The following PPM1F variants were observed in gnomAD, a reference collection of about 807,000 sequenced individuals.
PPM1F encodes the protein protein phosphatase 1F.
In PPM1F, 17 loss-of-function variants were observed where a neutral mutation model predicts 35.5. The observed-to-expected ratio is 0.48, with a 90% CI of 0.33 to 0.72. The LOEUF (loss-of-function observed/expected upper bound fraction) is 0.72. PPM1F is among the 30% of genes least tolerant of loss of function. The pLI is 0.02. For synonymous variants in PPM1F, 241 were observed against 255.5 expected, an observed-to-expected ratio of 0.94 and a Z score of 0.54; for missense variants, 521 against 613.0, an observed-to-expected ratio of 0.85 and a Z score of 1.59.
chr22:21,922,310 T>A lies in PPM1F; in HGVS notation c.*782A>T, dbSNP rs1221192584. The A allele has an allele frequency of 6.6e-6, 1 of 152,564 alleles. No homozygotes were observed. Among genetic ancestry groups the A allele is most frequent in the Admixed American group, 6.5e-5 (1 of 15,282 alleles). The allele number at this position is 152,564 out of a possible 1,614,324, so 9.5% of individuals were successfully genotyped here. Reference sequence around the variant, plus strand: ...AATAAAATAAATGCTAAGCTCTGCTTAAATTATATGACACAACAGGTCATC... The same window carrying A: ...AATAAAATAAATGCTAAGCTCTGCTAAAATTATATGACACAACAGGTCATC... On this transcript the variant is annotated 3_prime_UTR_variant, in exon 8 of 8. Coordinates refer to ENST00000263212, the MANE Select transcript of PPM1F (RefSeq NM_014634.4).
intron 1 of PPM1F, chr22:21,949,249 G>A (rs1254607472): frequency 6.6e-6 from 1 of 152,266 alleles, no homozygotes; most frequent in African/African-American, 2.4e-5. Flanking sequence ...AGGGTGCCCA[G>A]GGCCATCTTA....
Position 21,922,090 on chromosome 22 carries a change from A to G in PPM1F, c.*1002T>C, listed in dbSNP as rs919447102. Reference sequence around the variant, plus strand: ...ACAAAACAAATCCTGCTTTTCTAAAAACCTCAATGGGCCTATCCGAGCCCA... The same window carrying G: ...ACAAAACAAATCCTGCTTTTCTAAAGACCTCAATGGGCCTATCCGAGCCCA... On this transcript the variant is annotated 3_prime_UTR_variant, in exon 8 of 8. Transcript: ENST00000263212. The G allele has an allele frequency of 1.3e-5, 2 of 152,580 alleles. No individual in the cohort carries two copies. The highest frequency in any genetic ancestry group is 4.8e-5 in the African/African-American group (2 of 41,444). 9.5% of individuals were successfully genotyped at this position (152,580 alleles called of 1,614,324 possible).
chr22:21,928,895 C>T (rs116722869), intron 6 of PPM1F, among the ~76,000 whole-genome samples: 131 of 152,298 alleles, frequency 8.6e-4, no homozygotes, highest in African/African-American at 3.0e-3. Context: ...CCCCATTAGA[C>T]TTAGAGGCAG....
intron 3 of PPM1F, chr22:21,938,316 C>A: frequency 8.2e-7 from 1 of 1,218,104 alleles, no homozygotes; most frequent in Non-Finnish European, 1.1e-6. Flanking sequence ...GCAGCAGCTG[C>A]CACCGGCCGG....
At chr22:21,951,400 G>C (rs1047793710) in intron 1 of PPM1F, 3 of 143,772 alleles carry the variant, frequency 2.1e-5, no homozygotes, top group African/African-American at 7.8e-5. Context: ...TTGTTGCCCA[G>C]GCTGGAGTGC....
chr22:21,927,160 G>A (rs1247466972), intron 6 of PPM1F, among the ~76,000 whole-genome samples: 1 of 152,198 alleles, frequency 6.6e-6, no homozygotes, highest in Non-Finnish European at 1.5e-5. Context: ...CCACCTCCGG[G>A]GTCTGAGCAG....
intron 6 of PPM1F, among the ~76,000 whole-genome samples, chr22:21,930,874 C>A (rs1284004272): frequency 1.3e-5 from 2 of 152,146 alleles, no homozygotes; most frequent in Non-Finnish European, 2.9e-5. Context: ...CTCTGGTCTG[C>A]ACTGGGCTGC....
At chr22:21,929,037 A>G (rs143235345) in intron 6 of PPM1F, among the ~76,000 whole-genome samples, 400 of 152,174 alleles carry the variant, frequency 2.6e-3, no homozygotes, top group Non-Finnish European at 4.6e-3. Context: ...GCAGAGCACC[A>G]CGCACTCCCC....
chr22:21,923,247 C>T lies in PPM1F; in HGVS notation c.1210G>A (p.Asp404Asn), dbSNP rs369252135. Residue 404 changes from aspartate (D) to asparagine (N), a missense_variant, in exon 8 of 8, where the codon GAC (aspartate) becomes AAC (asparagine). By Grantham distance (23) the Asp-to-Asn change is conservative. Transcript: ENST00000263212. ...AAGACCACCATGACCGTGATGTTGTCGTGGGAGCCCCGCTCCCGGGCCGCA... is the reference window on the plus strand; with the variant it reads ...AAGACCACCATGACCGTGATGTTGTTGTGGGAGCCCCGCTCCCGGGCCGCA... ...VAAARERGSH[D>N]NITVMVVFLR... The T allele has an allele frequency of 3.7e-6, 6 of 1,613,304 alleles. No individual in the cohort carries two copies. The highest frequency in any genetic ancestry group is 2.2e-5 in the South Asian group (2 of 91,060).
Position 21,931,196 on chromosome 22 carries a change from C to T in PPM1F, c.843G>A (p.Gln281=). 6.2e-7 allele frequency: 1 copy of T among 1,614,182 alleles called. No homozygotes were observed. Among genetic ancestry groups the T allele is most frequent in the Non-Finnish European group, 8.5e-7 (1 of 1,180,034 alleles). The change falls in exon 6 of 8, where the codon CAG becomes CAA. Residue 281 remains glutamine (Q), a synonymous_variant. Coordinates refer to ENST00000263212, the MANE Select transcript of PPM1F (RefSeq NM_014634.4). The stretch of plus-strand genomic sequence containing the variant: ...CCATCAGCTTCACCACCTGTCCCTG[C>T]TGTACCAAAATGACCTGGGAATCCC... The part of the protein sequence containing the change: ...WLGDSQVILV[Q]QGQVVKLMEP...
chr22:21,937,963 C>A (rs994249538), intron 3 of PPM1F: 1 of 659,482 alleles, frequency 1.5e-6, no homozygotes. Flanking sequence ...AATACAATCC[C>A]CACTCTGACG....
chr22:21,927,937 G>GTTTT lies in PPM1F; in HGVS notation c.892-2279_892-2276dup, dbSNP rs1392008034. On this transcript the variant is annotated intron_variant, in intron 6 of 7. Transcript: ENST00000263212. ...TCACTGATTCTTGATTCTGTTTTTT[G>GTTTT]TTTTGTTTTTTTTTTTTTTTTTTTT... Among the ~76,000 whole-genome samples, 17 of 68,104 alleles carry GTTTT rather than the reference G, an allele frequency of 2.5e-4. 1 individual carries two copies. Among genetic ancestry groups the GTTTT allele is most frequent in the African/African-American group, 7.8e-4 (12 of 15,466 alleles). 44.7% of individuals were successfully genotyped at this position (68,104 alleles called of 152,430 possible).
At chr22:21,932,246 C>A (rs1289728321) in intron 5 of PPM1F, among the ~76,000 whole-genome samples, 1 of 152,232 alleles carries the variant, frequency 6.6e-6, no homozygotes, top group Non-Finnish European at 1.5e-5. Context: ...AGCCACTGTG[C>A]CCAGCCTCAA....
At chr22:21,945,666 C>G in intron 2 of PPM1F, 177 bp downstream of exon 2, 2 of 603,938 alleles carry the variant, frequency 3.3e-6, no homozygotes, top group Non-Finnish European at 2.8e-6. Context: ...TGTTGAGTGC[C>G]CAGTGTGTGG....
chr22:21,938,216 C>T (rs537623433), intron 3 of PPM1F: 1 of 1,303,022 alleles, frequency 7.7e-7, no homozygotes, highest in East Asian at 5.6e-5. Context: ...GCAGGTGGCG[C>T]TGTCTCCCGC....
chr22:21,927,120 C>T (rs1319355190), intron 6 of PPM1F, among the ~76,000 whole-genome samples: 1 of 152,162 alleles, frequency 6.6e-6, no homozygotes, highest in African/African-American at 2.4e-5. Context: ...GGAACAGGGA[C>T]CTCAAGGCTC....
At position 21,946,001 on chromosome 22, in the gene PPM1F, A is replaced by G. The variant is rs775612459; in HGVS notation, c.48T>C (p.Ala16=). The part of the protein sequence containing the change: ...PQKSSPMASG[A]EETPGFLDTL... ...TGTCCAGGAAGCCTGGGGTCTCCTC[A>G]GCTCCACTGGCCATTGGGCTGCTCT... is the stretch of plus-strand genomic sequence containing the variant. The change falls in exon 2 of 8, where the codon GCT becomes GCC. Residue 16 remains alanine, a synonymous_variant. Coordinates refer to ENST00000263212, the MANE Select transcript of PPM1F (RefSeq NM_014634.4). The G allele has an allele frequency of 2.5e-6, 4 of 1,600,822 alleles. No homozygotes were observed. Among genetic ancestry groups the G allele is most frequent in the Non-Finnish European group, 3.4e-6 (4 of 1,172,840 alleles).
intron 2 of PPM1F, chr22:21,945,610 T>A (rs565338220): frequency 5.7e-6 from 3 of 528,236 alleles, no homozygotes; most frequent in Admixed American, 3.7e-5. Flanking sequence ...GCCACCTTGA[T>A]CTTGGACTCT....
chr22:21,943,841 T>C (rs2145806342), intron 2 of PPM1F: 1 of 152,474 alleles, frequency 6.6e-6, no homozygotes. Flanking sequence ...GCTCTGTTGT[T>C]CCCCGGGATG....
Sources: allele counts gnomAD v4.1 joint callset (sites outside exome capture counted in the v4.1 genomes callset), GRCh38; gene constraint gnomAD v4.1.1; transcripts MANE v1.5; gene names NCBI Gene and HGNC (gene_info 2026-07-23, HGNC 2026-07-21).